Variants in DST observed in about 807,000 individuals in gnomAD.
DST encodes bullous pemphigoid antigen.
DST carries 253 observed loss-of-function variants against 875.2 expected under a neutral mutation model. The ratio of observed to expected loss-of-function variants is 0.29; its 90% CI spans 0.26 to 0.32. The LOEUF is 0.32. DST is among the 10% of genes least tolerant of loss of function. DST has a pLI of 1.00. For missense variants in DST, 8,287 were observed against 9,111.6 expected (o/e 0.91, Z 3.68); for synonymous variants, 3,124 against 3,197.1 (o/e 0.98, Z 0.77).
At chr6:56,622,324 A>C (rs143480496) in intron 36 of DST, among the ~76,000 whole-genome samples, 1 of 152,120 alleles carries the variant, frequency 6.6e-6, no homozygotes, top group African/African-American at 2.4e-5. Context: ...TAATCCCAGC[A>C]CTTTGGGAAC....
chr6:56,619,017 T>C (rs1411669153), intron 36 of DST: 7 of 1,614,138 alleles, frequency 4.3e-6, no homozygotes, highest in African/African-American at 4.0e-5. Flanking sequence ...TTCTGGATGA[T>C]AATGTTCTGT....
At chr6:56,831,728 ACT>A (rs148442333) in intron 4 of DST, among the ~76,000 whole-genome samples, 1,810 of 152,096 alleles carry the variant, frequency 0.012, 30 homozygotes, top group African/African-American at 0.042. Context: ...CATGTTCCAA[ACT>A]GGTGAAGATC....
chr6:56,532,344 C>T lies in DST; in HGVS notation c.17108G>A (p.Arg5703Lys), dbSNP rs1399631184. Residue 5703 changes from arginine to lysine, a missense_variant and splice_region_variant, in exon 64 of 104, where the codon AGG becomes AAG. Physicochemically the swap from Arg to Lys is conservative, Grantham distance 26 (BLOSUM62 2). Transcript: ENST00000680361. ...AAAGAACTGGAAGTATATAAGTTAC[C>T]TTGTTTCAGCTTTATTAAGCAATGC... ...WEALLNKAET[R>K]NRQLEGISVV... The T allele has an allele frequency of 1.9e-6, 3 of 1,613,174 alleles. No homozygotes were observed. Among genetic ancestry groups the T allele is most frequent in the East Asian group, 2.2e-5 (1 of 44,846 alleles).
intron 1 of DST, 78 bp from the exon 2 acceptor site, chr6:56,953,897 G>A (rs1032340555): frequency 1.8e-6 from 2 of 1,109,350 alleles, no homozygotes; most frequent in African/African-American, 3.3e-5. Flanking sequence ...ACTTACCTGG[G>A]AGACCAGGGT....
At chr6:56,563,375 T>C (rs1262062979) in intron 55 of DST, among the ~76,000 whole-genome samples, 2 of 152,176 alleles carry the variant, frequency 1.3e-5, no homozygotes, top group African/African-American at 4.8e-5. Context: ...GTTGGCTGCA[T>C]AAATGTCTTC....
At chr6:56,789,595 C>A (rs1307709061) in intron 4 of DST, among the ~76,000 whole-genome samples, 1 of 152,034 alleles carries the variant, frequency 6.6e-6, no homozygotes, top group Non-Finnish European at 1.5e-5. Context: ...ACTCGTTAAA[C>A]AACTCTCAAT....
chr6:56,786,537 TTTTG>T (rs1417868450), intron 4 of DST, among the ~76,000 whole-genome samples: 8 of 152,160 alleles, frequency 5.3e-5, no homozygotes, highest in African/African-American at 1.9e-4. Context: ...TTTTGTTTTG[TTTTG>T]TTTGTTTTTG....
At chr6:56,845,884 C>T (rs907000398) in intron 4 of DST, among the ~76,000 whole-genome samples, 5 of 152,132 alleles carry the variant, frequency 3.3e-5, no homozygotes, top group Non-Finnish European at 7.4e-5. Flanking sequence ...AGCCTTTACC[C>T]CATGCATTCT....
chr6:56,937,236 G>A (rs978772658), intron 2 of DST, among the ~76,000 whole-genome samples: 9 of 151,772 alleles, frequency 5.9e-5, no homozygotes, highest in Non-Finnish European at 1.2e-4. Context: ...TAAATGAAAA[G>A]AGAAACCACA....
chr6:56,527,481 A>G lies in DST; in HGVS notation c.17922+12T>C. On this transcript the variant is annotated intron_variant, in intron 68 of 103. Coordinates refer to ENST00000680361, the MANE Select transcript of DST (RefSeq NM_001374736.1). ...TAAAAGACTAATCCAAAATGCAGAA[A>G]TCAGAGCTTACCTTTGGTCTCATTT... 1.9e-6 allele frequency: 3 copies of G among 1,611,212 alleles called. No homozygotes were observed. The highest frequency in any genetic ancestry group is 2.5e-6 in the Non-Finnish European group (3 of 1,178,220).
At chr6:56,794,013 G>A (rs1342008091) in intron 4 of DST, among the ~76,000 whole-genome samples, 2 of 152,156 alleles carry the variant, frequency 1.3e-5, no homozygotes, top group East Asian at 1.9e-4. Context: ...TGTTTATAGG[G>A]TTTCTAAACC....
chr6:56,824,399 C>T (rs1168679936), intron 4 of DST, among the ~76,000 whole-genome samples: 1 of 152,196 alleles, frequency 6.6e-6, no homozygotes, highest in Non-Finnish European at 1.5e-5. Context: ...CCCAAAGAGC[C>T]GAGATTGCAG....
chr6:56,493,231 A>G, intron 83 of DST, 142 bp from the exon 84 acceptor site: 1 of 643,594 alleles, frequency 1.6e-6, no homozygotes, highest in Non-Finnish European at 2.4e-6. Flanking sequence ...TAAATATCTT[A>G]TAAATGTAAT....
At chr6:56,785,215 G>C (rs1460203978) in intron 4 of DST, among the ~76,000 whole-genome samples, 1 of 152,232 alleles carries the variant, frequency 6.6e-6, no homozygotes, top group African/African-American at 2.4e-5. Flanking sequence ...CTCCAGCTGA[G>C]TGCTGGGAGA....
chr6:56,561,344 A>G lies in DST; in HGVS notation c.14274T>C (p.Asp4758=), dbSNP rs184283341. 5.9e-5 allele frequency: 95 copies of G among 1,613,610 alleles called. No homozygotes were observed. In the African/African-American group the frequency reaches 1.2e-3, roughly 20 times the overall value. Residue 4758 remains aspartate, a synonymous_variant, in exon 57 of 104, where the codon GAT becomes GAC. Coordinates refer to ENST00000680361, the MANE Select transcript of DST (RefSeq NM_001374736.1). The part of the protein sequence containing the change: ...TKWQQTPAPT[D]TEAVKTQVEQ... ...CAACTTGAGTCTTCACAGCTTCAGTATCTGTAGGTGCAGGTGTCTGCTGCC... is the reference window on the plus strand; with the variant it reads ...CAACTTGAGTCTTCACAGCTTCAGTGTCTGTAGGTGCAGGTGTCTGCTGCC...
At chr6:56,556,711 A>C (rs1405897326) in intron 59 of DST, among the ~76,000 whole-genome samples, 1 of 152,212 alleles carries the variant, frequency 6.6e-6, no homozygotes, top group Admixed American at 6.5e-5. Flanking sequence ...ATTATGCCTG[A>C]CTGTAAAACA....
chr6:56,702,841 G>T (rs1219005822), intron 7 of DST, among the ~76,000 whole-genome samples: 3 of 152,104 alleles, frequency 2.0e-5, no homozygotes, highest in Non-Finnish European at 4.4e-5. Flanking sequence ...TGACAGCTTG[G>T]CTTCTTCAAT....
intron 69 of DST, among the ~76,000 whole-genome samples, chr6:56,520,246 G>A (rs1274709121): frequency 6.6e-6 from 1 of 152,092 alleles, no homozygotes; most frequent in African/African-American, 2.4e-5. Flanking sequence ...AGAACTGCAG[G>A]TACCTGTGGA....
intron 43 of DST, 85 bp downstream of exon 43, chr6:56,602,797 G>C (rs1314876285): frequency 9.5e-7 from 1 of 1,054,570 alleles, no homozygotes; most frequent in Non-Finnish European, 1.3e-6. Context: ...TGTAGCCTTA[G>C]CAAAGTCATA....
Sources: allele counts gnomAD v4.1 joint callset (sites outside exome capture counted in the v4.1 genomes callset), GRCh38; gene constraint gnomAD v4.1.1; transcripts MANE v1.5; gene names NCBI Gene and HGNC (gene_info 2026-07-23, HGNC 2026-07-21).